The following HADHB variants were observed in gnomAD, a reference collection of about 807,000 sequenced individuals.
HADHB encodes trifunctional enzyme subunit beta, mitochondrial.
HADHB carries 50 observed loss-of-function variants against 61.9 expected under a neutral mutation model. The observed-to-expected ratio is 0.81, with a 90% CI of 0.64 to 1.02. The LOEUF (loss-of-function observed/expected upper bound fraction) is 1.02. HADHB is among the 50% of genes least tolerant of loss of function. The pLI, the probability that HADHB is intolerant of heterozygous loss-of-function variation, is 0.00. For missense variants in HADHB, 504 were observed against 586.5 expected, an observed-to-expected ratio of 0.86 and a Z score of 1.45; for synonymous variants, 191 against 201.6, an observed-to-expected ratio of 0.95 and a Z score of 0.45.
chr2:26,269,890 G>A, intron 4 of HADHB, 63 bp from the exon 5 acceptor site: 1 of 1,044,244 alleles, frequency 9.6e-7, no homozygotes, highest in Non-Finnish European at 1.5e-6. Flanking sequence ...ATTTCAAATA[G>A]AATGAAAATT....
At chr2:26,271,136 C>G (rs1387833032) in intron 5 of HADHB, among the ~76,000 whole-genome samples, 3 of 149,220 alleles carry the variant, frequency 2.0e-5, no homozygotes, top group Non-Finnish European at 3.0e-5. Flanking sequence ...ACCTCGTGAT[C>G]CGCCCTCCTC....
In HADHB at chr2:26,246,220, T is replaced by C. The variant is rs143948650; in HGVS notation, c.-9+1230T>C. On this transcript the variant is annotated intron_variant, in intron 1 of 15. Transcript: ENST00000317799. Reference sequence around the variant, plus strand: ...AACACCTAACTGCGTGTAACACTTATTATTTAGGTCAGAAGTGGTAAATTT... The same window carrying C: ...AACACCTAACTGCGTGTAACACTTACTATTTAGGTCAGAAGTGGTAAATTT... Among the ~76,000 whole-genome samples, 247 of 152,352 alleles carry C rather than the reference T, an allele frequency of 1.6e-3. 7 individuals carry two copies. Among genetic ancestry groups the C allele is most frequent in the African/African-American group, 5.7e-3 (236 of 41,582 alleles).
At chr2:26,281,037 C>T (rs1230368133) in intron 10 of HADHB, among the ~76,000 whole-genome samples, 1 of 151,918 alleles carries the variant, frequency 6.6e-6, no homozygotes, top group Non-Finnish European at 1.5e-5. Context: ...ATACCTCTTC[C>T]AGCCCTGATT....
chr2:26,270,878 CTT>C (rs1272001120), intron 5 of HADHB, among the ~76,000 whole-genome samples: 27 of 128,160 alleles, frequency 2.1e-4, no homozygotes, highest in Non-Finnish European at 3.6e-4. Context: ...TCTTCTGTAG[CTT>C]TTTTTTTTTT....
At chr2:26,257,974 G>A (rs1296246338) in intron 3 of HADHB, among the ~76,000 whole-genome samples, 1 of 151,610 alleles carries the variant, frequency 6.6e-6, no homozygotes, top group Non-Finnish European at 1.5e-5. Flanking sequence ...AGCCGAGATC[G>A]TGCCACTGTA....
chr2:26,247,054 C>T (rs1671196224), intron 1 of HADHB, among the ~76,000 whole-genome samples: 1 of 152,196 alleles, frequency 6.6e-6, no homozygotes, highest in Non-Finnish European at 1.5e-5. Flanking sequence ...GGCTTTAGTT[C>T]TCTTAACCAT....
intron 1 of HADHB, among the ~76,000 whole-genome samples, chr2:26,249,817 C>T (rs1302713082): frequency 6.6e-6 from 1 of 151,908 alleles, no homozygotes; most frequent in East Asian, 1.9e-4. Context: ...CAATGCCGTG[C>T]ATGGTTGTTT....
At chr2:26,288,601 C>T (rs922366706) in intron 15 of HADHB, among the ~76,000 whole-genome samples, 4 of 151,576 alleles carry the variant, frequency 2.6e-5, no homozygotes, top group African/African-American at 9.7e-5. Flanking sequence ...CCCAGCTACT[C>T]GGGAGGCTGA....
rs562864618 is a variant in HADHB, at chr2:26,287,878, C to T, written c.1390-2040C>T. Among the ~76,000 whole-genome samples, 31 of 152,264 alleles carry T rather than the reference C, an allele frequency of 2.0e-4. 1 individual carries two copies. The South Asian group carries it at 6.0e-3, about 29-fold the overall frequency. On this transcript the variant is annotated intron_variant, in intron 15 of 15. Transcript: ENST00000317799. Reference sequence around the variant, plus strand: ...CTCCTCCCCACCTCTGCCCCAGGTACACACGGTTGGTATAACCAAAAGTAT... The same window carrying T: ...CTCCTCCCCACCTCTGCCCCAGGTATACACGGTTGGTATAACCAAAAGTAT...
rs566657165 is a variant in HADHB at position 26,280,050 on chromosome 2, G to A, written c.868G>A (p.Ala290Thr). 19 of 1,610,180 alleles carry A rather than the reference G, an allele frequency of 1.2e-5. No homozygotes were observed. In the South Asian group the frequency reaches 1.8e-4, roughly 15 times the overall value. Residue 290 changes from alanine to threonine, a missense_variant, in exon 10 of 16, where the codon GCC becomes ACC. Physicochemically the swap from Ala to Thr is moderately conservative, Grantham distance 58. Coordinates refer to ENST00000317799, the MANE Select transcript of HADHB (RefSeq NM_000183.3). ...CCGTCCTTCCTCACTGGAGCAGATG[G>A]CCAAACTAAAACCTGCATTCATCAA... Reference protein sequence around the residue: ...GIRPSSLEQMAKLKPAFIKPY... With the variant: ...GIRPSSLEQMTKLKPAFIKPY...
chr2:26,270,823 A>G (rs990030336), intron 5 of HADHB, among the ~76,000 whole-genome samples: 3 of 151,406 alleles, frequency 2.0e-5, no homozygotes, highest in African/African-American at 4.8e-5. Context: ...ACTTCTTAGT[A>G]ATATGCCTTT....
chr2:26,262,091 C>A (rs1248568549), intron 3 of HADHB, among the ~76,000 whole-genome samples: 1 of 152,064 alleles, frequency 6.6e-6, no homozygotes, highest in Non-Finnish European at 1.5e-5. Context: ...ATCTTTATGC[C>A]CTATTTTATC....
intron 5 of HADHB, among the ~76,000 whole-genome samples, chr2:26,270,236 T>C (rs530942848): frequency 2.0e-4 from 31 of 152,340 alleles, no homozygotes; most frequent in African/African-American, 6.3e-4. Context: ...ACAATACATA[T>C]ATTTGATGAT....
chr2:26,284,089 T>C (rs1425072823), intron 12 of HADHB, 28 bp from the exon 13 acceptor site: 1 of 1,284,670 alleles, frequency 7.8e-7, no homozygotes, highest in Admixed American at 1.7e-5. Context: ...ATTAAAGTTT[T>C]AAGATATTAC....
chr2:26,283,543 T>A (rs945625210), intron 12 of HADHB, among the ~76,000 whole-genome samples: 2 of 152,138 alleles, frequency 1.3e-5, no homozygotes, highest in Admixed American at 1.3e-4. Flanking sequence ...AATAAATAAA[T>A]AAAATAGTAG....
At chr2:26,282,611 G>T (rs1672838216) in intron 10 of HADHB, among the ~76,000 whole-genome samples, 1 of 152,100 alleles carries the variant, frequency 6.6e-6, no homozygotes, top group African/African-American at 2.4e-5. Flanking sequence ...GATTCATTTT[G>T]ATTATTATGA....
chr2:26,252,126 T>A (rs1238658836), intron 1 of HADHB, among the ~76,000 whole-genome samples: 1 of 152,246 alleles, frequency 6.6e-6, no homozygotes, highest in Non-Finnish European at 1.5e-5. Context: ...ACATGCCACC[T>A]GGCTTCTCTC....
chr2:26,252,492 A>G (rs1671438870), intron 1 of HADHB, among the ~76,000 whole-genome samples: 1 of 152,166 alleles, frequency 6.6e-6, no homozygotes, highest in Non-Finnish European at 1.5e-5. Context: ...CCAGCCAACA[A>G]TTATTTTTAA....
intron 15 of HADHB, 61 bp from the exon 16 acceptor site, chr2:26,289,857 C>A: frequency 2.7e-6 from 3 of 1,097,194 alleles, no homozygotes; most frequent in Non-Finnish European, 4.2e-6. Flanking sequence ...TCTCTGCTGT[C>A]CCTGTACTAG....
Sources: gnomAD v4.1 joint callset for allele counts (sites outside exome capture counted in the v4.1 genomes callset) on GRCh38, gnomAD v4.1.1 for gene constraint, MANE v1.5 for transcripts, NCBI Gene and HGNC (gene_info 2026-07-23, HGNC 2026-07-21) for gene names.